Variants in IL27RA observed in about 807,000 individuals in gnomAD.
The protein encoded by IL27RA is interleukin-27 receptor subunit alpha.
In IL27RA, 61 loss-of-function variants were observed where a neutral mutation model predicts 80.8. The ratio of observed to expected loss-of-function variants is 0.76; its 90% CI spans 0.61 to 0.93. The LOEUF (loss-of-function observed/expected upper bound fraction) is 0.93, where lower values mean the gene tolerates loss of function less well. IL27RA is among the 40% of genes least tolerant of loss of function. The probability of loss-of-function intolerance (pLI) is 0.00; values close to 1 mark genes in which losing one functional copy is unlikely to be tolerated. For missense variants in IL27RA, 735 were observed against 808.1 expected, an observed-to-expected ratio of 0.91 and a Z score of 1.10; for synonymous variants, 316 against 332.5, an observed-to-expected ratio of 0.95 and a Z score of 0.54.
In IL27RA at chr19:14,049,000, C is replaced by A; in HGVS notation, c.1161C>A (p.Val387=). The A allele has an allele frequency of 6.2e-7, 1 of 1,613,988 alleles. No homozygotes were observed. Among genetic ancestry groups the A allele is most frequent in the South Asian group, 1.1e-5 (1 of 91,080 alleles). Residue 387 remains valine, a synonymous_variant, in exon 9 of 14, where the codon GTC becomes GTA. Transcript: ENST00000263379. ...ACTCAGGGAATTTCACTGTCGGGGTCCCCTATCGAATCACTGTGACCGCAG... is the reference window on the plus strand; with the variant it reads ...ACTCAGGGAATTTCACTGTCGGGGTACCCTATCGAATCACTGTGACCGCAG... ...ALLPGNFTVG[V]PYRITVTAVS... is the part of the protein sequence containing the mutation.
chr19:14,044,797 G>A lies in IL27RA; in HGVS notation c.769-1357G>A, dbSNP rs181431213. 1.6e-4 allele frequency among the ~76,000 whole-genome samples: 24 copies of A among 151,696 alleles called. No individual in the cohort carries two copies. In the East Asian group the frequency reaches 4.5e-3, roughly 28 times the overall value. ...GGCCAGGAGTTCGAGACCAGCCTGG[G>A]CAACATAGCAAGCTACCCATCTATA... is the stretch of plus-strand genomic sequence containing the variant. On this transcript the variant is annotated intron_variant, in intron 6 of 13. Transcript: ENST00000263379.
rs113040256 is a variant in IL27RA, at chr19:14,052,903, CAAA to C, written c.*627_*629del. The C allele has an allele frequency of 8.9e-5, 8 of 89,818 alleles. No homozygotes were observed. Among genetic ancestry groups the C allele is most frequent in the Non-Finnish European group, 7.7e-5 (3 of 38,880 alleles). The allele number at this position is 89,818 out of a possible 1,614,324, so 5.6% of individuals were successfully genotyped here. On this transcript the variant is annotated 3_prime_UTR_variant, in exon 14 of 14. Coordinates refer to ENST00000263379, the MANE Select transcript of IL27RA (RefSeq NM_004843.4). The stretch of plus-strand genomic sequence containing the variant: ...CAAAAATAAACAAACTAATAAAAAG[CAAA>C]AAAAAAAAAAAAAGAAAAGAAAAAA...
intron 2 of IL27RA, among the ~76,000 whole-genome samples, chr19:14,036,321 C>G (rs1348983546): frequency 6.6e-6 from 1 of 151,950 alleles, no homozygotes; most frequent in African/African-American, 2.4e-5. Flanking sequence ...CCATCATCTT[C>G]TCCCCCTAGC....
At chr19:14,042,658 C>G (rs1976008188) in intron 5 of IL27RA, 46 bp downstream of exon 5, 2 of 1,613,930 alleles carry the variant, frequency 1.2e-6, no homozygotes, top group Admixed American at 3.3e-5. Flanking sequence ...CTCCCACCCC[C>G]AGAAGTCTGT....
At position 14,040,902 on chromosome 19, in the gene IL27RA, A is replaced by ATT. The variant is rs34698681; in HGVS notation, c.534+1008_534+1009dup. Among the ~76,000 whole-genome samples, 8 of 139,334 alleles carry ATT rather than the reference A, an allele frequency of 5.7e-5. No individual in the cohort carries two copies. In the South Asian group the frequency reaches 6.8e-4, roughly 12 times the overall value. The allele number at this position is 139,334 out of a possible 152,430, so 91.4% of individuals were successfully genotyped here. On this transcript the variant is annotated intron_variant, in intron 4 of 13. Coordinates refer to ENST00000263379, the MANE Select transcript of IL27RA (RefSeq NM_004843.4). ...ATTCAGAGCAACACTGAGATGCAGAATTTTTTTTTTTTTTTTTGAGATGGC... is the reference window on the plus strand; with the variant it reads ...ATTCAGAGCAACACTGAGATGCAGAATTTTTTTTTTTTTTTTTTTGAGATGGC...
At chr19:14,042,285 G>A (rs1976000289) in intron 4 of IL27RA, among the ~76,000 whole-genome samples, 168 bp from the exon 5 acceptor site, 1 of 151,846 alleles carries the variant, frequency 6.6e-6, no homozygotes, top group Non-Finnish European at 1.5e-5. Flanking sequence ...AGAATTGCTT[G>A]AACCCAGGAG....
rs745308729 is a variant in IL27RA at position 14,046,609 on chromosome 19, C to T, written c.1132C>T (p.Leu378=). Residue 378 remains leucine (L), a synonymous_variant, in exon 8 of 14, where the codon CTG becomes TTG. Transcript: ENST00000263379. The part of the protein sequence containing the change: ...VRLPPGNLSA[L]LPGNFTVGVP... Reference sequence around the variant, plus strand: ...GCTTCCCCCTGGGAACCTCAGTGCTCTGTTACCAGGTGAGGCCCTGGGACA... The same window carrying T: ...GCTTCCCCCTGGGAACCTCAGTGCTTTGTTACCAGGTGAGGCCCTGGGACA... The T allele has an allele frequency of 8.7e-6, 14 of 1,604,468 alleles. No homozygotes were observed. The African/African-American group carries it at 1.2e-4, about 14-fold the overall frequency.
chr19:14,040,349 G>T (rs1047530721), intron 4 of IL27RA, among the ~76,000 whole-genome samples: 1 of 150,512 alleles, frequency 6.6e-6, no homozygotes, highest in Non-Finnish European at 1.5e-5. Flanking sequence ...GCTACAGAGT[G>T]AGACTCAGTC....
At chr19:14,034,402 G>C (rs149251122) in intron 2 of IL27RA, among the ~76,000 whole-genome samples, 1 of 152,028 alleles carries the variant, frequency 6.6e-6, no homozygotes, top group Non-Finnish European at 1.5e-5. Context: ...GCTCACGCCT[G>C]TAATCCCAGC....
intron 8 of IL27RA, among the ~76,000 whole-genome samples, chr19:14,047,803 G>A (rs1050192416): frequency 5.4e-5 from 8 of 148,948 alleles, no homozygotes; most frequent in Non-Finnish European, 1.0e-4. Context: ...ACAGGCGCCC[G>A]CCACCACGCC....
chr19:14,041,292 G>T lies in IL27RA; in HGVS notation c.535-1161G>T, dbSNP rs1975986254. On this transcript the variant is annotated intron_variant, in intron 4 of 13. Transcript: ENST00000263379. ...AACTCACTGCAACCTCCACCTCTCA[G>T]GTTCAAGTGATTCCCCCACCTCAGC... Among the ~76,000 whole-genome samples the T allele has an allele frequency of 2.6e-5, 4 of 151,972 alleles. No individual in the cohort carries two copies. In the South Asian group the frequency reaches 8.3e-4, roughly 32 times the overall value.
At position 14,031,925 on chromosome 19, in the gene IL27RA, C is replaced by T. The variant is rs1295055495; in HGVS notation, c.53C>T (p.Ala18Val). The change falls in exon 1 of 14, where the codon GCG (alanine) becomes GTG (valine). Residue 18 changes from alanine (A) to valine (V), a missense_variant. Transcript: ENST00000263379. ...PFWLWPLPKL[A>V]LLPLLWVLFQ... ...TGGCTGTGGCCGCTGCCCAAGCTGG[C>T]GCTGCTGCCTCTGTTGTGGGTGCTT... 6.2e-7 allele frequency: 1 copy of T among 1,609,048 alleles called. No individual in the cohort carries two copies. The highest frequency in any genetic ancestry group is 1.1e-5 in the South Asian group (1 of 90,438).
At chr19:14,051,198 G>A (rs1026246012) in intron 11 of IL27RA, among the ~76,000 whole-genome samples, 8 of 152,074 alleles carry the variant, frequency 5.3e-5, no homozygotes, top group Non-Finnish European at 8.8e-5. Flanking sequence ...TGCAGTACAC[G>A]GATTACACCA....
In IL27RA at chr19:14,031,856, G is replaced by A. The variant is rs758584551; in HGVS notation, c.-17G>A. ...CCCGGCAAGGCTGGGCCGGACTCGG[G>A]GCTCCCGAGGGACGCCATGCGGGGA... On this transcript the variant is annotated 5_prime_UTR_variant, in exon 1 of 14. Transcript: ENST00000263379. 5 of 1,580,110 alleles carry A rather than the reference G, an allele frequency of 3.2e-6. No homozygotes were observed. In the East Asian group the frequency reaches 9.3e-5, roughly 29 times the overall value.
Position 14,051,644 on chromosome 19 carries a change from A to T in IL27RA, c.1566A>T (p.Leu522=). ...GGTGGAAAGTTCTGCCGGGCATCCT[A>T]TTCTTGTGGGGCTTGTTCCTGTTGG... ...TLRWKVLPGI[L]FLWGLFLLGC... Residue 522 remains leucine, a synonymous_variant, in exon 12 of 14, where the codon CTA becomes CTT. Coordinates refer to ENST00000263379, the MANE Select transcript of IL27RA (RefSeq NM_004843.4). The T allele has an allele frequency of 6.2e-7, 1 of 1,612,984 alleles. No individual in the cohort carries two copies. Among genetic ancestry groups the T allele is most frequent in the African/African-American group, 1.3e-5 (1 of 74,976 alleles).
In IL27RA at chr19:14,052,292, C is replaced by G. The variant is rs781281060; in HGVS notation, c.*2C>G. 2 of 1,487,982 alleles carry G rather than the reference C, an allele frequency of 1.3e-6. No homozygotes were observed. Among genetic ancestry groups the G allele is most frequent in the African/African-American group, 1.4e-5 (1 of 71,182 alleles). 92.2% of individuals were successfully genotyped at this position (1,487,982 alleles called of 1,614,324 possible). ...CCCAGGCCACAGGTTCTGGCCTGAA[C>G]CACACGTCTGGCTGGGGGCTGCCAG... On this transcript the variant is annotated 3_prime_UTR_variant, in exon 14 of 14. Coordinates refer to ENST00000263379, the MANE Select transcript of IL27RA (RefSeq NM_004843.4).
chr19:14,051,584 T>C (rs1976165279), intron 11 of IL27RA, 23 bp from the exon 12 acceptor site: 4 of 1,275,180 alleles, frequency 3.1e-6, no homozygotes, highest in Non-Finnish European at 4.3e-6. Context: ...AAATTAAGAA[T>C]GATCTCTTCC....
chr19:14,040,167 C>A (rs1252771268), intron 4 of IL27RA, among the ~76,000 whole-genome samples: 2 of 151,860 alleles, frequency 1.3e-5, no homozygotes, highest in Non-Finnish European at 2.9e-5. Context: ...AGTTCGAGAC[C>A]AGCCTGGCCA....
intron 2 of IL27RA, among the ~76,000 whole-genome samples, chr19:14,033,702 C>T (rs946829271): frequency 2.0e-5 from 3 of 150,448 alleles, no homozygotes; most frequent in African/African-American, 7.4e-5. Flanking sequence ...CGTGGTGGCT[C>T]ACGCCTATAA....
Sources: allele counts gnomAD v4.1 joint callset (sites outside exome capture counted in the v4.1 genomes callset), GRCh38; gene constraint gnomAD v4.1.1; transcripts MANE v1.5; gene names NCBI Gene and HGNC (gene_info 2026-07-23, HGNC 2026-07-21).